The following CACNG2 variants were observed in gnomAD, a reference collection of about 807,000 sequenced individuals.
CACNG2 encodes voltage-dependent calcium channel gamma-2 subunit.
A neutral mutation model predicts 25.9 loss-of-function variants in CACNG2; 3 were observed. That is an observed-to-expected ratio of 0.12 (90% CI 0.05 to 0.30). The LOEUF is 0.30. Ranked by LOEUF, CACNG2 falls within the 10% of genes least tolerant of loss-of-function variation. CACNG2 has a pLI of 1.00. For missense variants in CACNG2, 341 were observed against 432.5 expected, an observed-to-expected ratio of 0.79 and a Z score of 1.88; for synonymous variants, 167 against 173.3, an observed-to-expected ratio of 0.96 and a Z score of 0.29.
intron 2 of CACNG2, among the ~76,000 whole-genome samples, chr22:36,579,065 T>C (rs372531664): frequency 1.4e-4 from 21 of 152,078 alleles, no homozygotes; most frequent in East Asian, 9.6e-4. Context: ...CTCCTCGCCA[T>C]CCACAAGACC....
chr22:36,594,619 C>T (rs1326067111), intron 1 of CACNG2, among the ~76,000 whole-genome samples: 1 of 152,018 alleles, frequency 6.6e-6, no homozygotes, highest in African/African-American at 2.4e-5. Context: ...GGAGCAGGTG[C>T]CTGAGCTGAC....
rs58015913 is a variant in CACNG2 at position 36,627,279 on chromosome 22, C to CGTGTGTGTGTGT, written c.212-39743_212-39732dup. 4.6e-5 allele frequency among the ~76,000 whole-genome samples: 6 copies of CGTGTGTGTGTGT among 131,228 alleles called. 1 individual carries two copies. The highest frequency in any genetic ancestry group is 7.9e-3 in the Middle Eastern group (2 of 254). 86.1% of individuals were successfully genotyped at this position (131,228 alleles called of 152,430 possible). A position where few individuals can be genotyped will look rare whatever the true frequency, so the allele number is the denominator to read the frequency against. ...AGTGGGAAGTGGATGAGAGTGGGGA[C>CGTGTGTGTGTGT]GTGTGTGTGTGTGTGTGTGTGTGTG... On this transcript the variant is annotated intron_variant, in intron 1 of 3. Coordinates refer to ENST00000300105, the MANE Select transcript of CACNG2 (RefSeq NM_006078.5).
chr22:36,660,698 C>T (rs969093194), intron 1 of CACNG2, among the ~76,000 whole-genome samples: 3 of 152,216 alleles, frequency 2.0e-5, no homozygotes, highest in African/African-American at 7.2e-5. Context: ...TTGTCACCCA[C>T]AAAGTGCCCC....
At chr22:36,596,767 C>CT (rs936414703) in intron 1 of CACNG2, among the ~76,000 whole-genome samples, 2 of 151,848 alleles carry the variant, frequency 1.3e-5, no homozygotes, top group African/African-American at 4.8e-5. Flanking sequence ...CTCTTCAGTT[C>CT]TTTTTTTTGA....
At chr22:36,579,093 A>T (rs1012933533) in intron 2 of CACNG2, among the ~76,000 whole-genome samples, 1 of 152,080 alleles carries the variant, frequency 6.6e-6, no homozygotes, top group African/African-American at 2.4e-5. Context: ...TACTTCTCCC[A>T]TCCAGGCTGT....
At chr22:36,616,890 C>T (rs554359160) in intron 1 of CACNG2, among the ~76,000 whole-genome samples, 2 of 152,246 alleles carry the variant, frequency 1.3e-5, no homozygotes, top group South Asian at 4.1e-4. Context: ...TTGTGATAGG[C>T]AAAGGGATGC....
At chr22:36,641,525 A>G (rs558261087) in intron 1 of CACNG2, among the ~76,000 whole-genome samples, 1 of 152,312 alleles carries the variant, frequency 6.6e-6, no homozygotes, top group Admixed American at 6.5e-5. Context: ...ACTTTAATTC[A>G]CACCGGATTC....
At chr22:36,654,209 T>C (rs1476414177) in intron 1 of CACNG2, among the ~76,000 whole-genome samples, 1 of 152,032 alleles carries the variant, frequency 6.6e-6, no homozygotes, top group African/African-American at 2.4e-5. Flanking sequence ...CCCTCTTCAA[T>C]CTGTTTGTAC....
intron 2 of CACNG2, among the ~76,000 whole-genome samples, chr22:36,577,820 A>G (rs1284732358): frequency 6.6e-6 from 1 of 152,066 alleles, no homozygotes; most frequent in African/African-American, 2.4e-5. Context: ...TGGGGTCACA[A>G]TAGTTTTAGC....
At chr22:36,696,670 AC>A (rs1937346005) in intron 1 of CACNG2, among the ~76,000 whole-genome samples, 1 of 152,190 alleles carries the variant, frequency 6.6e-6, no homozygotes, top group Non-Finnish European at 1.5e-5. Context: ...TGAGTGGAGG[AC>A]AGAGCGTGCT....
chr22:36,629,541 T>A (rs1248294754), intron 1 of CACNG2, among the ~76,000 whole-genome samples: 1 of 151,732 alleles, frequency 6.6e-6, no homozygotes, highest in Non-Finnish European at 1.5e-5. Context: ...TATGTGTGTG[T>A]GTGAGAGAGA....
chr22:36,659,320 G>A (rs1438807174), intron 1 of CACNG2, among the ~76,000 whole-genome samples: 3 of 152,118 alleles, frequency 2.0e-5, no homozygotes, highest in Non-Finnish European at 1.5e-5. Flanking sequence ...GTCAGGGAGT[G>A]GGGAGAGGGC....
At chr22:36,662,092 C>T (rs1936807436) in intron 1 of CACNG2, among the ~76,000 whole-genome samples, 1 of 149,762 alleles carries the variant, frequency 6.7e-6, no homozygotes, top group Non-Finnish European at 1.5e-5. Flanking sequence ...AATTCTCCTG[C>T]CTCAGCCTCC....
At position 36,612,031 on chromosome 22, in the gene CACNG2, AGG is replaced by A. The variant is rs750885599; in HGVS notation, c.212-24485_212-24484del. On this transcript the variant is annotated intron_variant, in intron 1 of 3. Transcript: ENST00000300105. ...GAGCATAAATAATGTGGGTGGTTCCAGGGCTTAATGGTAAGCACTTTAGCTGC... is the reference window on the plus strand; with the variant it reads ...GAGCATAAATAATGTGGGTGGTTCCAGCTTAATGGTAAGCACTTTAGCTGC... Among the ~76,000 whole-genome samples, 25 of 152,360 alleles carry A rather than the reference AGG, an allele frequency of 1.6e-4. 1 individual carries two copies. The East Asian group carries it at 2.7e-3, about 16-fold the overall frequency.
In CACNG2 at chr22:36,598,260, C is replaced by A. The variant is rs78946486; in HGVS notation, c.212-10712G>T. 5.5e-3 allele frequency among the ~76,000 whole-genome samples: 830 copies of A among 152,274 alleles called. 11 individuals carry two copies. Among genetic ancestry groups the A allele is most frequent in the African/African-American group, 0.019 (808 of 41,550 alleles). ...TCCATTCACCTAAACAGTTGAGCATCATGCCAAATATTAGAATCCCTGGGG... is the reference window on the plus strand; with the variant it reads ...TCCATTCACCTAAACAGTTGAGCATAATGCCAAATATTAGAATCCCTGGGG... On this transcript the variant is annotated intron_variant, in intron 1 of 3. Coordinates refer to ENST00000300105, the MANE Select transcript of CACNG2 (RefSeq NM_006078.5).
intron 1 of CACNG2, among the ~76,000 whole-genome samples, chr22:36,681,488 G>A (rs1464492341): frequency 6.6e-6 from 1 of 152,216 alleles, no homozygotes; most frequent in Non-Finnish European, 1.5e-5. Flanking sequence ...TCCTGTAAAT[G>A]CTTACTGAAT....
At position 36,666,122 on chromosome 22, in the gene CACNG2, C is replaced by T. The variant is rs547884772; in HGVS notation, c.211+36244G>A. 5.3e-5 allele frequency among the ~76,000 whole-genome samples: 8 copies of T among 152,268 alleles called. No homozygotes were observed. In the East Asian group the frequency reaches 1.3e-3, roughly 26 times the overall value. ...AATAAGCCAGACAAAAAGATAAATA[C>T]TGTCAGGTGCAGTGGCTCAAACCTG... On this transcript the variant is annotated intron_variant, in intron 1 of 3. Transcript: ENST00000300105.
chr22:36,598,566 C>T (rs530454943), intron 1 of CACNG2, among the ~76,000 whole-genome samples: 13 of 151,316 alleles, frequency 8.6e-5, no homozygotes, highest in African/African-American at 2.4e-4. Flanking sequence ...TGCAGTGAGC[C>T]GAGATTGTGC....
intron 1 of CACNG2, among the ~76,000 whole-genome samples, chr22:36,667,096 TCTC>T (rs1171710383): frequency 1.3e-5 from 2 of 151,664 alleles, no homozygotes; most frequent in East Asian, 1.9e-4. Flanking sequence ...TTCAAGCAAT[TCTC>T]CTGCCTCAGC....
Sources: allele counts gnomAD v4.1 joint callset (sites outside exome capture counted in the v4.1 genomes callset), GRCh38; gene constraint gnomAD v4.1.1; transcripts MANE v1.5; gene names NCBI Gene and HGNC (gene_info 2026-07-23, HGNC 2026-07-21).